The following DPH6 variants were observed in gnomAD, a reference collection of about 807,000 sequenced individuals.
DPH6 encodes diphthine--ammonia ligase.
In DPH6, 33 loss-of-function variants were observed where a neutral mutation model predicts 38.2. The observed-to-expected ratio is 0.86, with a 90% CI of 0.65 to 1.15. The LOEUF is 1.15. Ranked by LOEUF, DPH6 falls within the 50% of genes most tolerant of loss-of-function variation. DPH6 has a pLI of 0.00. For missense variants in DPH6, 325 were observed against 320.0 expected (o/e 1.02, Z -0.12); for synonymous variants, 108 against 103.0 (o/e 1.05, Z -0.30).
In DPH6 at chr15:35,521,399, G is replaced by C. The variant is rs1354902766; in HGVS notation, c.312+16875C>G. On this transcript the variant is annotated intron_variant, in intron 3 of 8. Transcript: ENST00000256538. Reference sequence around the variant, plus strand: ...ATAGACTATATCATCTAAAGAATCTGTAAGATCCTCTAGGAAGTAAATGAA... The same window carrying C: ...ATAGACTATATCATCTAAAGAATCTCTAAGATCCTCTAGGAAGTAAATGAA... 3 of 1,087,350 alleles carry C rather than the reference G, an allele frequency of 2.8e-6. No individual in the cohort carries two copies. The African/African-American group carries it at 4.9e-5, about 18-fold the overall frequency. The allele number at this position is 1,087,350 out of a possible 1,614,324, so 67.4% of individuals were successfully genotyped here. A position where few individuals can be genotyped will look rare whatever the true frequency, so the allele number is the denominator to read the frequency against.
chr15:35,272,156 C>A (rs2051826210), intron 3 of DPH6, among the ~76,000 whole-genome samples: 1 of 151,688 alleles, frequency 6.6e-6, no homozygotes, highest in African/African-American at 2.4e-5. Context: ...ACACAAAAAA[C>A]CAATAGAGTA....
Position 35,489,753 on chromosome 15 carries a change from A to G in DPH6, c.313-34933T>C, listed in dbSNP as rs1485291473. 3 of 981,782 alleles carry G rather than the reference A, an allele frequency of 3.1e-6. No individual in the cohort carries two copies. The African/African-American group carries it at 5.3e-5, about 17-fold the overall frequency. 60.8% of individuals were successfully genotyped at this position (981,782 alleles called of 1,614,324 possible). On this transcript the variant is annotated intron_variant, in intron 3 of 8. Coordinates refer to ENST00000256538, the MANE Select transcript of DPH6 (RefSeq NM_080650.4). ...TTCTGGAACAGTATACAGAAACTAT[A>G]AAGTATTTTGCCTTAGGAGGATAGA...
At position 35,308,253 on chromosome 15, in the gene DPH6, A is replaced by G. The variant is rs138091835; in HGVS notation, n.200+65268T>C. 1.5e-3 allele frequency among the ~76,000 whole-genome samples: 223 copies of G among 152,228 alleles called. 1 individual carries two copies. The highest frequency in any genetic ancestry group is 2.8e-3 in the Non-Finnish European group (190 of 68,024). Reference sequence around the variant, plus strand: ...CACTGCATAAATAAATAAATAAATAAATAAAACCTCTAGAATGTCAAAAGC... The same window carrying G: ...CACTGCATAAATAAATAAATAAATAGATAAAACCTCTAGAATGTCAAAAGC... On this transcript the variant is annotated intron_variant and non_coding_transcript_variant, in intron 3 of 3. Coordinates refer to the DPH6 transcript ENST00000560386.
the DPH6 span, among the ~76,000 whole-genome samples, chr15:35,177,592 AAAAAAAAAATCATCATC>A: frequency 1.4e-5 from 2 of 139,532 alleles, no homozygotes; most frequent in Non-Finnish European, 3.1e-5. Flanking sequence ...AAAAAAAAAA[AAAAAAAAAATCATCATC>A]ATCATCATCA....
intron 3 of DPH6, among the ~76,000 whole-genome samples, chr15:35,226,986 T>C (rs992006707): frequency 6.6e-5 from 10 of 152,216 alleles, no homozygotes; most frequent in Middle Eastern, 3.4e-3. Context: ...CTTTTCATTA[T>C]GGTTTTCATC....
At chr15:35,396,204 C>T (rs2053129750) in intron 6 of DPH6, 1 of 152,168 alleles carries the variant, frequency 6.6e-6, no homozygotes, top group Admixed American at 6.6e-5. Flanking sequence ...CACAATATGG[C>T]TGCAAATTCC....
intron 3 of DPH6, among the ~76,000 whole-genome samples, chr15:35,221,302 AG>A (rs2051440702): frequency 6.6e-6 from 1 of 152,144 alleles, no homozygotes; most frequent in African/African-American, 2.4e-5. Context: ...CTGGGGTCTT[AG>A]GGGTGGCCCT....
intron 3 of DPH6, among the ~76,000 whole-genome samples, chr15:35,332,990 G>T (rs1467778087): frequency 1.3e-5 from 2 of 151,836 alleles, no homozygotes; most frequent in Non-Finnish European, 2.9e-5. Context: ...TCCTCATACA[G>T]TTCACTTCAA....
intron 3 of DPH6, among the ~76,000 whole-genome samples, chr15:35,493,758 G>A (rs1262333981): frequency 6.6e-6 from 1 of 152,056 alleles, no homozygotes. Flanking sequence ...GTTGGGATGG[G>A]GGTTAGAATA....
the DPH6 span, among the ~76,000 whole-genome samples, chr15:35,163,845 G>A: frequency 6.6e-6 from 1 of 151,776 alleles, no homozygotes; most frequent in Non-Finnish European, 1.5e-5. Context: ...TTTTGTTCTG[G>A]CAGTAGCTCA....
intron 3 of DPH6, among the ~76,000 whole-genome samples, chr15:35,341,138 G>A (rs775800349): frequency 9.2e-5 from 14 of 152,030 alleles, no homozygotes; most frequent in Non-Finnish European, 1.2e-4. Context: ...TTCAAACTCT[G>A]AGATTCTTTC....
At chr15:35,218,934 A>G (rs958917780) in exon 4 of DPH6, 1 of 152,200 alleles carries the variant, frequency 6.6e-6, no homozygotes. Context: ...TTGTTTTTAA[A>G]TCAGGGTCCT....
chr15:35,423,110 A>T (rs1352460149), intron 5 of DPH6, among the ~76,000 whole-genome samples: 1 of 151,856 alleles, frequency 6.6e-6, no homozygotes, highest in Non-Finnish European at 1.5e-5. Context: ...CAGTAGTTAC[A>T]TTTTAAAAAT....
At position 35,376,806 on chromosome 15, in the gene DPH6, T is replaced by A. The variant is rs116921254; in HGVS notation, c.663-3198A>T. Among the ~76,000 whole-genome samples the A allele has an allele frequency of 5.7e-3, 875 of 152,270 alleles. 6 individuals carry two copies. The highest frequency in any genetic ancestry group is 0.028 in the South Asian group (133 of 4,824). ...CAGTACAGTAATATGGTGTCCAGGT[T>A]TATAGCCTAGGAGCATACAGCCTAG... On this transcript the variant is annotated intron_variant, in intron 7 of 8. Coordinates refer to ENST00000256538, the MANE Select transcript of DPH6 (RefSeq NM_080650.4).
intron 3 of DPH6, among the ~76,000 whole-genome samples, chr15:35,349,389 T>C (rs1381213917): frequency 6.6e-6 from 1 of 152,178 alleles, no homozygotes; most frequent in Admixed American, 6.6e-5. Context: ...TTTTGTCAAA[T>C]GCCTTCCTTG....
chr15:35,416,782 C>A (rs1163631942), intron 5 of DPH6, among the ~76,000 whole-genome samples: 1 of 152,022 alleles, frequency 6.6e-6, no homozygotes, highest in Non-Finnish European at 1.5e-5. Flanking sequence ...TGTCCATATG[C>A]CATGTACTGC....
At chr15:35,190,289 A>G in the DPH6 span, among the ~76,000 whole-genome samples, 1 of 152,216 alleles carries the variant, frequency 6.6e-6, no homozygotes, top group Admixed American at 6.5e-5. Flanking sequence ...AAGGAGTTTA[A>G]TTCACGCAGA....
chr15:35,232,942 C>T (rs1335036647), intron 3 of DPH6, among the ~76,000 whole-genome samples: 1 of 146,300 alleles, frequency 6.8e-6, no homozygotes, highest in Non-Finnish European at 1.5e-5. Flanking sequence ...TAAAAAGAAT[C>T]TAGATATTCA....
chr15:35,337,099 T>A (rs2052379229), intron 3 of DPH6, among the ~76,000 whole-genome samples: 1 of 152,190 alleles, frequency 6.6e-6, no homozygotes, highest in Non-Finnish European at 1.5e-5. Flanking sequence ...GTTGGTAAGC[T>A]ATTGATTAAT....
Sources: allele counts gnomAD v4.1 joint callset (sites outside exome capture counted in the v4.1 genomes callset), GRCh38; gene constraint gnomAD v4.1.1; transcripts MANE v1.5; gene names NCBI Gene and HGNC (gene_info 2026-07-23, HGNC 2026-07-21).